The following MTHFD1L variants were observed in gnomAD, a reference collection of about 807,000 sequenced individuals.
MTHFD1L encodes the protein methylenetetrahydrofolate dehydrogenase (NADP+ dependent) 1 like.
MTHFD1L carries 81 observed loss-of-function variants against 119.5 expected under a neutral mutation model. The ratio of observed to expected loss-of-function variants is 0.68; its 90% CI spans 0.57 to 0.82. The LOEUF (loss-of-function observed/expected upper bound fraction) is 0.82, where lower values mean the gene tolerates loss of function less well. Among genes scored for constraint, MTHFD1L ranks in the 40% least tolerant of loss-of-function variants. MTHFD1L has a pLI of 0.00. For synonymous variants in MTHFD1L, 430 were observed against 475.2 expected (o/e 0.90, Z 1.24); for missense variants, 1,125 against 1,253.4 (o/e 0.90, Z 1.55).
chr6:151,100,456 T>G (rs17080776), intron 27 of MTHFD1L, among the ~76,000 whole-genome samples: 1 of 151,750 alleles, frequency 6.6e-6, no homozygotes, highest in Admixed American at 6.6e-5. Flanking sequence ...ACCAAGCACC[T>G]TATCTGGCTC....
At chr6:150,876,950 T>C (rs1780554567) in intron 2 of MTHFD1L, among the ~76,000 whole-genome samples, 1 of 152,148 alleles carries the variant, frequency 6.6e-6, no homozygotes, top group Non-Finnish European at 1.5e-5. Flanking sequence ...GTTAGAACAA[T>C]AGAAAGAAAA....
intron 11 of MTHFD1L, among the ~76,000 whole-genome samples, chr6:150,934,790 G>A (rs1048071889): frequency 6.6e-6 from 1 of 152,176 alleles, no homozygotes; most frequent in African/African-American, 2.4e-5. Flanking sequence ...CGATGCTTGA[G>A]AGCTAAGCTG....
chr6:151,044,437 G>T (rs892400293), intron 26 of MTHFD1L, among the ~76,000 whole-genome samples: 2 of 151,860 alleles, frequency 1.3e-5, no homozygotes, highest in African/African-American at 4.8e-5. Context: ...GAGTAGCTGG[G>T]ATTACAGGTG....
chr6:150,914,281 G>A (rs111515443), intron 8 of MTHFD1L, among the ~76,000 whole-genome samples: 6,498 of 151,964 alleles, frequency 0.043, 453 homozygotes, highest in African/African-American at 0.15. Context: ...TGGGTGATCG[G>A]GCCAGACCTT....
At chr6:150,999,410 C>T (rs1405831827) in intron 20 of MTHFD1L, among the ~76,000 whole-genome samples, 2 of 152,278 alleles carry the variant, frequency 1.3e-5, no homozygotes, top group East Asian at 3.9e-4. Flanking sequence ...TTCCCTCATG[C>T]AATCATCCAA....
chr6:150,938,697 A>C lies in MTHFD1L; in HGVS notation c.1394-2A>C, dbSNP rs1308534847. On this transcript the variant is annotated splice_acceptor_variant, in intron 12 of 27. Coordinates refer to ENST00000367321, the MANE Select transcript of MTHFD1L (RefSeq NM_015440.5). LOFTEE classifies it high-confidence loss of function. Reference sequence around the variant, plus strand: ...TGAAATGCCTCTTGCTCTGTTGTTTAGGAGGAGCCGCGGGTGGTGGATATG... The same window carrying C: ...TGAAATGCCTCTTGCTCTGTTGTTTCGGAGGAGCCGCGGGTGGTGGATATG... 1 of 1,609,988 alleles carries C rather than the reference A, an allele frequency of 6.2e-7. No homozygotes were observed. The highest frequency in any genetic ancestry group is 1.1e-5 in the South Asian group (1 of 89,772).
intron 11 of MTHFD1L, among the ~76,000 whole-genome samples, chr6:150,931,318 A>AT (rs1791011730): frequency 1.7e-5 from 2 of 119,572 alleles, no homozygotes; most frequent in Non-Finnish European, 3.5e-5. Flanking sequence ...ACCCGATTGG[A>AT]TTTTTTAAAA....
intron 20 of MTHFD1L, among the ~76,000 whole-genome samples, chr6:151,007,086 C>G (rs1312556560): frequency 6.6e-6 from 1 of 152,028 alleles, no homozygotes; most frequent in Admixed American, 6.6e-5. Context: ...TTCCCTGGCT[C>G]TGCCTTTACC....
chr6:150,890,865 A>C (rs1280948845), intron 7 of MTHFD1L, among the ~76,000 whole-genome samples: 1 of 152,274 alleles, frequency 6.6e-6, no homozygotes. Context: ...GGGTGAAAGG[A>C]TAAATCAGTA....
intron 25 of MTHFD1L, among the ~76,000 whole-genome samples, chr6:151,036,527 C>T (rs1022951917): frequency 6.6e-6 from 1 of 152,156 alleles, no homozygotes; most frequent in Non-Finnish European, 1.5e-5. Context: ...TAAACCAACA[C>T]AAAGGAACCC....
chr6:150,867,539 AGGC>A (rs1287012969), intron 1 of MTHFD1L, among the ~76,000 whole-genome samples: 1 of 152,144 alleles, frequency 6.6e-6, no homozygotes, highest in Non-Finnish European at 1.5e-5. Context: ...AAGCCAGGAT[AGGC>A]GGCAAAAAAA....
At chr6:151,048,590 A>G (rs1201775888) in intron 26 of MTHFD1L, among the ~76,000 whole-genome samples, 1 of 152,240 alleles carries the variant, frequency 6.6e-6, no homozygotes, top group African/African-American at 2.4e-5. Flanking sequence ...AAAGAAGTCT[A>G]GAAAAGTACA....
intron 1 of MTHFD1L, among the ~76,000 whole-genome samples, chr6:150,869,722 C>T (rs991891071): frequency 2.0e-5 from 3 of 151,908 alleles, no homozygotes; most frequent in Non-Finnish European, 4.4e-5. Flanking sequence ...ATTGATTCTC[C>T]GAGGATTGGA....
intron 26 of MTHFD1L, among the ~76,000 whole-genome samples, chr6:151,068,204 A>G (rs1174632658): frequency 6.6e-6 from 1 of 152,234 alleles, no homozygotes; most frequent in East Asian, 1.9e-4. Context: ...ATGACAAAGA[A>G]AAGTTTCTGC....
chr6:150,972,231 T>G (rs1166036022), intron 20 of MTHFD1L, among the ~76,000 whole-genome samples, 173 bp downstream of exon 20: 1 of 152,104 alleles, frequency 6.6e-6, no homozygotes, highest in East Asian at 1.9e-4. Context: ...ACTCGTGAAA[T>G]TATGCTTGTG....
intron 8 of MTHFD1L, among the ~76,000 whole-genome samples, chr6:150,915,257 T>A (rs1172507918): frequency 2.0e-5 from 3 of 150,728 alleles, no homozygotes; most frequent in Non-Finnish European, 4.4e-5. Flanking sequence ...TTTTTTGCAA[T>A]TTTTTTTTTC....
At chr6:150,936,180 C>G (rs776728538) in intron 11 of MTHFD1L, among the ~76,000 whole-genome samples, 6 of 151,874 alleles carry the variant, frequency 4.0e-5, no homozygotes, top group Non-Finnish European at 7.4e-5. Flanking sequence ...AATGCAGATG[C>G]CTTCTCTCTA....
At chr6:150,881,498 G>C (rs79494236) in intron 4 of MTHFD1L, among the ~76,000 whole-genome samples, 1,885 of 152,250 alleles carry the variant, frequency 0.012, 38 homozygotes, top group African/African-American at 0.043. Flanking sequence ...TATTAGTTAA[G>C]ATTTGTGTTG....
chr6:151,007,216 C>G (rs887235468), intron 20 of MTHFD1L, among the ~76,000 whole-genome samples: 1 of 151,860 alleles, frequency 6.6e-6, no homozygotes, highest in Non-Finnish European at 1.5e-5. Context: ...CTCCATCACC[C>G]CCTCTCTCCA....
Sources: allele counts gnomAD v4.1 joint callset (sites outside exome capture counted in the v4.1 genomes callset), GRCh38; gene constraint gnomAD v4.1.1; transcripts MANE v1.5; gene names NCBI Gene and HGNC (gene_info 2026-07-23, HGNC 2026-07-21).